The following TFR2 variants were observed in gnomAD, a reference collection of about 807,000 sequenced individuals.
TFR2 encodes transferrin receptor 2, also known as transferrin receptor protein 2.
TFR2 carries 64 observed loss-of-function variants against 91.9 expected under a neutral mutation model. That is an observed-to-expected ratio of 0.70 (90% CI 0.57 to 0.86). TFR2 has a LOEUF of 0.86. TFR2 is among the 40% of genes least tolerant of loss of function. The probability of loss-of-function intolerance (pLI) is 0.00; values close to 1 mark genes in which losing one functional copy is unlikely to be tolerated. For synonymous variants in TFR2, 454 were observed against 459.6 expected (o/e 0.99, Z 0.15); for missense variants, 950 against 1,080.5 (o/e 0.88, Z 1.69).
Position 100,627,734 on chromosome 7 carries a change from C to A in TFR2, c.1682+10G>T. On this transcript the variant is annotated intron_variant, in intron 14 of 17. Coordinates refer to ENST00000223051, the MANE Select transcript of TFR2 (RefSeq NM_003227.4). ...ATCCCTCCCCAGCTCTCCCTACCCC[C>A]CCAACTTACACCTCAGCATCCCAGC... 1 of 1,613,998 alleles carries A rather than the reference C, an allele frequency of 6.2e-7. No homozygotes were observed. Among genetic ancestry groups the A allele is most frequent in the Non-Finnish European group, 8.5e-7 (1 of 1,179,960 alleles).
rs771358868 is a variant in TFR2, at chr7:100,630,984, C to T, written c.1175G>A (p.Gly392Asp). ...CACTAGCCGCAGTCGTGGCCCGGGG[C>T]CCAGGTGATAAGGGGAGCCTAGGAG... is the stretch of plus-strand genomic sequence containing the variant. The part of the protein sequence containing the change: ...GSLLGSPYHL[G>D]PGPRLRLVVN... The change falls in exon 9 of 18, where the codon GGC becomes GAC. Residue 392 changes from glycine to aspartate, a missense_variant. By Grantham distance (94) the Gly-to-Asp change is moderately conservative. Coordinates refer to ENST00000223051, the MANE Select transcript of TFR2 (RefSeq NM_003227.4). 6.2e-7 allele frequency: 1 copy of T among 1,610,858 alleles called. No homozygotes were observed. The highest frequency in any genetic ancestry group is 1.3e-5 in the African/African-American group (1 of 74,988).
Position 100,621,056 on chromosome 7 carries a change from C to T in TFR2, c.2207G>A (p.Arg736His), listed in dbSNP as rs756328973. The change falls in exon 18 of 18, where the codon CGT (arginine) becomes CAT (histidine). Residue 736 changes from arginine to histidine, a missense_variant. By Grantham distance (29) the Arg-to-His change is conservative. Coordinates refer to ENST00000223051, the MANE Select transcript of TFR2 (RefSeq NM_003227.4). ...DSPFRHIFMG[R>H]GDHTLGALLD... ...CAGGGCGCCCAGCGTGTGGTCTCCA[C>T]GGCCCATGAAGATGTGGCGGAACGG... is the stretch of plus-strand genomic sequence containing the variant. 17 of 1,572,654 alleles carry T rather than the reference C, an allele frequency of 1.1e-5. No homozygotes were observed. The highest frequency in any genetic ancestry group is 1.9e-4 in the Middle Eastern group (1 of 5,344).
At chr7:100,627,867 A>C in intron 13 of TFR2, 40 bp downstream of exon 13, 1 of 1,613,992 alleles carries the variant, frequency 6.2e-7, no homozygotes. Context: ...CCTCCCCGCA[A>C]CCTACTCCCC....
chr7:100,636,754 C>T (rs138058874), intron 3 of TFR2, among the ~76,000 whole-genome samples: 1 of 151,960 alleles, frequency 6.6e-6, no homozygotes, highest in Admixed American at 6.6e-5. Context: ...CATCTCCCCC[C>T]ACTTTCTCTT....
chr7:100,630,236 C>CCT (rs1562840386), intron 9 of TFR2, among the ~76,000 whole-genome samples: 19 of 150,198 alleles, frequency 1.3e-4, no homozygotes, highest in Non-Finnish European at 1.8e-4. Context: ...TCCTTCCTTT[C>CCT]TCTCTCTCTC....
At chr7:100,622,563 C>G (rs995826006) in intron 17 of TFR2, among the ~76,000 whole-genome samples, 3 of 152,204 alleles carry the variant, frequency 2.0e-5, no homozygotes, top group Non-Finnish European at 4.4e-5. Context: ...AGGTAAGTTT[C>G]TTAGCCTCTC....
At chr7:100,633,751 C>G in intron 3 of TFR2, 195 bp from the exon 4 acceptor site, 1 of 926,020 alleles carries the variant, frequency 1.1e-6, no homozygotes. Flanking sequence ...CTCTGTCGCC[C>G]AGGCTGGAGT....
At chr7:100,631,175 G>T (rs1803421085) in intron 8 of TFR2, 123 bp from the exon 9 acceptor site, 2 of 1,164,344 alleles carry the variant, frequency 1.7e-6, no homozygotes, top group African/African-American at 1.6e-5. Context: ...TCTGGACGCT[G>T]CCTGGGTAGG....
In TFR2 at chr7:100,641,167, C is replaced by A; in HGVS notation, c.95G>T (p.Gly32Val). Reference protein sequence around the residue: ...VYQRVEGPRKGHLEEEEEDGE... With the variant: ...VYQRVEGPRKVHLEEEEEDGE... ...GTCTTCCTCTTCCTCCTCCAGGTGC[C>A]CTTTCCGGGGGCCTTCCACACGCTG... Residue 32 changes from glycine (G) to valine (V), a missense_variant, in exon 2 of 18, where the codon GGG becomes GTG. Coordinates refer to ENST00000223051, the MANE Select transcript of TFR2 (RefSeq NM_003227.4). The A allele has an allele frequency of 1.3e-6, 2 of 1,530,920 alleles. No homozygotes were observed. The highest frequency in any genetic ancestry group is 1.8e-6 in the Non-Finnish European group (2 of 1,137,922). The allele number at this position is 1,530,920 out of a possible 1,614,324, so 94.8% of individuals were successfully genotyped here.
chr7:100,634,497 C>CT (rs1803537604), intron 3 of TFR2, among the ~76,000 whole-genome samples: 1 of 152,132 alleles, frequency 6.6e-6, no homozygotes, highest in Non-Finnish European at 1.5e-5. Flanking sequence ...TCAAGCGATC[C>CT]TCCCAAAGTG....
rs762832274 is a variant in TFR2, at chr7:100,628,092, G to A, written c.1518C>T (p.Ser506=). ...GCTCACCCAGCACTGCGTTGTCCAGGCTCACGTACACTACGGCTTTGAGGT... is the reference window on the plus strand; with the variant it reads ...GCTCACCCAGCACTGCGTTGTCCAGACTCACGTACACTACGGCTTTGAGGT... The part of the protein sequence containing the change: ...VLHLKAVVYV[S]LDNAVLGDDK... Residue 506 remains serine, a synonymous_variant, in exon 12 of 18, where the codon AGC becomes AGT. Transcript: ENST00000223051. 1.9e-6 allele frequency: 3 copies of A among 1,614,116 alleles called. No homozygotes were observed. Among genetic ancestry groups the A allele is most frequent in the East Asian group, 2.2e-5 (1 of 44,884 alleles).
intron 17 of TFR2, chr7:100,626,349 C>T (rs1261466181): frequency 2.9e-6 from 2 of 681,170 alleles, no homozygotes; most frequent in Non-Finnish European, 1.8e-6. Flanking sequence ...AGCTCTCTTA[C>T]TCTGAATATC....
At chr7:100,632,968 G>C in intron 6 of TFR2, 33 bp downstream of exon 6, 1 of 1,613,450 alleles carries the variant, frequency 6.2e-7, no homozygotes, top group Non-Finnish European at 8.5e-7. Context: ...CGGTTCCCGG[G>C]CTCAAGCCCT....
At chr7:100,637,552 C>A (rs1222667099) in intron 3 of TFR2, among the ~76,000 whole-genome samples, 1 of 152,110 alleles carries the variant, frequency 6.6e-6, no homozygotes, top group African/African-American at 2.4e-5. Flanking sequence ...TAAGATCATG[C>A]CACTGTACTC....
chr7:100,633,675 G>T (rs911516277), intron 3 of TFR2, 119 bp from the exon 4 acceptor site: 27 of 935,984 alleles, frequency 2.9e-5, no homozygotes, highest in African/African-American at 2.2e-4. Flanking sequence ...CTGAGTTTAG[G>T]AAAAGAGCGC....
rs560786834 is a variant in TFR2 at position 100,620,637 on chromosome 7, G to A, written c.*220C>T. The A allele has an allele frequency of 3.1e-5, 18 of 587,232 alleles. No individual in the cohort carries two copies. The highest frequency in any genetic ancestry group is 1.5e-4 in the South Asian group (7 of 45,490). The allele number at this position is 587,232 out of a possible 1,614,324, so 36.4% of individuals were successfully genotyped here. A position where few individuals can be genotyped will look rare whatever the true frequency, so the allele number is the denominator to read the frequency against. ...AAGGGATGCTACTCTCTGATTAACC[G>A]ACAGTATGACCGTCACATTAGGGTC... On this transcript the variant is annotated 3_prime_UTR_variant, in exon 18 of 18. Coordinates refer to ENST00000223051, the MANE Select transcript of TFR2 (RefSeq NM_003227.4).
In TFR2 at chr7:100,631,007, G is replaced by A. The variant is rs2131317162; in HGVS notation, c.1152C>T (p.Leu384=). ...GGCCCAGGTGATAAGGGGAGCCTAG[G>A]AGGCTCCCCTGCCATTCTTGGGGGG... ...PVAPQEWQGS[L]LGSPYHLGPG... The change falls in exon 9 of 18, where the codon CTC becomes CTT. Residue 384 remains leucine (L), a synonymous_variant. Transcript: ENST00000223051. The A allele has an allele frequency of 3.9e-6, 6 of 1,541,944 alleles. No homozygotes were observed. Among genetic ancestry groups the A allele is most frequent in the Non-Finnish European group, 5.2e-6 (6 of 1,148,622 alleles).
intron 3 of TFR2, among the ~76,000 whole-genome samples, chr7:100,637,776 G>C (rs1474353176): frequency 1.3e-5 from 2 of 151,742 alleles, no homozygotes; most frequent in Admixed American, 6.6e-5. Flanking sequence ...TTGCACCACT[G>C]CATTCTAGCC....
chr7:100,632,839 G>A (rs994565250), intron 6 of TFR2, 162 bp downstream of exon 6: 6 of 1,238,134 alleles, frequency 4.8e-6, no homozygotes, highest in Middle Eastern at 5.1e-4. Flanking sequence ...CTAAAGTGCT[G>A]GGATTGCAGG....
Sources: allele counts gnomAD v4.1 joint callset (sites outside exome capture counted in the v4.1 genomes callset), GRCh38; gene constraint gnomAD v4.1.1; transcripts MANE v1.5; gene names NCBI Gene and HGNC (gene_info 2026-07-23, HGNC 2026-07-21).